The following FRMPD2 variants were observed in gnomAD, a reference collection of about 807,000 sequenced individuals.
The protein encoded by FRMPD2 is FERM and PDZ domain containing 2.
Under a neutral mutation model 140.1 loss-of-function variants are expected in FRMPD2, and 96 were observed. The observed-to-expected ratio is 0.69, with a 90% confidence interval of 0.58 to 0.81. FRMPD2 has a LOEUF of 0.81. FRMPD2 is among the 40% of genes least tolerant of loss of function. FRMPD2 has a pLI of 0.00. For missense variants in FRMPD2, 1,240 were observed against 1,447.4 expected (o/e 0.86, Z 2.32); for synonymous variants, 449 against 547.6 (o/e 0.82, Z 2.52).
At chr10:48,190,811 A>T (rs1030282802) in intron 16 of FRMPD2, among the ~76,000 whole-genome samples, 1 of 152,210 alleles carries the variant, frequency 6.6e-6, no homozygotes, top group African/African-American at 2.4e-5. Context: ...GCAACACTGA[A>T]AAGCCCCTAC....
intron 22 of FRMPD2, among the ~76,000 whole-genome samples, chr10:48,176,951 T>C (rs1838425513): frequency 6.6e-6 from 1 of 152,160 alleles, no homozygotes; most frequent in Non-Finnish European, 1.5e-5. Flanking sequence ...ATGCCCTCCA[T>C]TCACATATCT....
chr10:48,254,056 T>A (rs1840442615), intron 1 of FRMPD2, among the ~76,000 whole-genome samples: 1 of 150,054 alleles, frequency 6.7e-6, no homozygotes, highest in African/African-American at 2.5e-5. Context: ...TCATCACCCT[T>A]TCAATTAAAA....
intron 27 of FRMPD2, 65 bp from the exon 28 acceptor site, chr10:48,163,736 G>T (rs1838017326): frequency 1.1e-6 from 1 of 898,922 alleles, no homozygotes; most frequent in African/African-American, 1.7e-5. Flanking sequence ...AAAATACAAA[G>T]CTTTTTTCCC....
intron 4 of FRMPD2, 21 bp downstream of exon 4, chr10:48,244,763 T>C: frequency 6.3e-7 from 1 of 1,592,956 alleles, no homozygotes; most frequent in Non-Finnish European, 8.6e-7. Flanking sequence ...CGGCAAGACT[T>C]GGAGTATCTT....
At chr10:48,221,978 T>TTGGA (rs71026203) in intron 12 of FRMPD2, among the ~76,000 whole-genome samples, 63,080 of 136,244 alleles carry the variant, frequency 0.46, 14,782 homozygotes, top group East Asian at 0.68. Flanking sequence ...GGATGGATGG[T>TTGGA]TGGATGGATG....
In FRMPD2 at chr10:48,223,275, A is replaced by G; in HGVS notation, c.1169-5T>C. The G allele has an allele frequency of 6.2e-7, 1 of 1,610,992 alleles. No homozygotes were observed. The highest frequency in any genetic ancestry group is 8.5e-7 in the Non-Finnish European group (1 of 1,178,402). On this transcript the variant is annotated splice_region_variant and splice_polypyrimidine_tract_variant and intron_variant, in intron 10 of 28. Transcript: ENST00000374201. ...CCAGGAAAAAGAACTCTTTGCCTGA[A>G]ATGGAAATAGAGCATGTGTGGAAGG...
At chr10:48,241,752 A>G (rs1223396935) in intron 5 of FRMPD2, among the ~76,000 whole-genome samples, 1 of 152,198 alleles carries the variant, frequency 6.6e-6, no homozygotes, top group Non-Finnish European at 1.5e-5. Flanking sequence ...AGCAGAGGGG[A>G]GGGTACCCAG....
chr10:48,248,964 GACAGGCCTTTCCCAGGGC>G, intron 3 of FRMPD2, 39 bp downstream of exon 3: 1 of 1,491,810 alleles, frequency 6.7e-7, no homozygotes, highest in Non-Finnish European at 9.0e-7. Flanking sequence ...CTGCCGCTGG[GACAGGCCTTTCCCAGGGC>G]ACAGGACTCA....
chr10:48,270,716 T>C (rs1388707323), intron 1 of FRMPD2, among the ~76,000 whole-genome samples: 1 of 151,930 alleles, frequency 6.6e-6, no homozygotes, highest in East Asian at 1.9e-4. Flanking sequence ...TCCTCCTCTT[T>C]CAACCTCTCT....
At chr10:48,233,559 C>T (rs1429917634) in intron 9 of FRMPD2, among the ~76,000 whole-genome samples, 2 of 152,120 alleles carry the variant, frequency 1.3e-5, no homozygotes, top group Non-Finnish European at 2.9e-5. Flanking sequence ...GAATCGTATG[C>T]CCATAATGGG....
intron 1 of FRMPD2, among the ~76,000 whole-genome samples, chr10:48,258,670 A>ACACTAG (rs141457882): frequency 0.036 from 5,514 of 152,296 alleles, 279 homozygotes; most frequent in African/African-American, 0.11. Context: ...ATTTTTCGGC[A>ACACTAG]TTCAGAGCAT....
rs148906229 is a variant in FRMPD2, at chr10:48,223,182, C to A, written c.1257G>T (p.Met419Ile). 1.1e-4 allele frequency: 183 copies of A among 1,613,906 alleles called. 2 individuals are homozygous for A. The Middle Eastern group carries it at 2.0e-3, about 17-fold the overall frequency. ...TCCTCAGGAAGAGTGTGAAGGTATT[C>A]ATGGAGGTCTTCTGAGGCTGCTCTC... ...GWREQPQKTS[M>I]NTFTLFLRIK... Residue 419 changes from methionine to isoleucine, a missense_variant, in exon 11 of 29, where the codon ATG becomes ATT. Met to Ile is a conservative substitution (Grantham distance 10). Coordinates refer to ENST00000374201, the MANE Select transcript of FRMPD2 (RefSeq NM_001018071.4).
Position 48,250,963 on chromosome 10 carries a change from A to ATTTTT in FRMPD2, c.151+598_151+602dup, listed in dbSNP as rs113989363. ...AGGCGAGCGCAACCATACCTGGCAA[A>ATTTTT]TTTTTTTTTTTGTATTTTTAATAGA... On this transcript the variant is annotated intron_variant, in intron 2 of 28. Coordinates refer to ENST00000374201, the MANE Select transcript of FRMPD2 (RefSeq NM_001018071.4). Among the ~76,000 whole-genome samples, 67 of 143,450 alleles carry ATTTTT rather than the reference A, an allele frequency of 4.7e-4. 1 individual carries two copies. Among genetic ancestry groups the ATTTTT allele is most frequent in the African/African-American group, 1.6e-3 (64 of 39,884 alleles). The allele number at this position is 143,450 out of a possible 152,430, so 94.1% of individuals were successfully genotyped here. A position where few individuals can be genotyped will look rare whatever the true frequency, so the allele number is the denominator to read the frequency against.
At chr10:48,250,434 C>T (rs1840348532) in intron 2 of FRMPD2, among the ~76,000 whole-genome samples, 1 of 152,176 alleles carries the variant, frequency 6.6e-6, no homozygotes, top group Non-Finnish European at 1.5e-5. Context: ...GTTTCGCGCT[C>T]TTGTCACCCA....
chr10:48,178,994 T>C (rs550464628), intron 21 of FRMPD2: 121 of 151,746 alleles, frequency 8.0e-4, no homozygotes, highest in African/African-American at 2.9e-3. Flanking sequence ...GGAGCTTCCA[T>C]GAGCTAATAC....
intron 12 of FRMPD2, among the ~76,000 whole-genome samples, chr10:48,221,978 T>TTGGATGGATGGATGGATGGATGGA (rs71026203): frequency 7.3e-6 from 1 of 136,276 alleles, no homozygotes; most frequent in Non-Finnish European, 1.6e-5. Flanking sequence ...GGATGGATGG[T>TTGGATGGATGGATGGATGGATGGA]TGGATGGATG....
chr10:48,234,279 A>T (rs565190432), intron 9 of FRMPD2, among the ~76,000 whole-genome samples: 21 of 152,352 alleles, frequency 1.4e-4, no homozygotes, highest in African/African-American at 4.8e-4. Flanking sequence ...AAAAAATAAA[A>T]ATACCATGAC....
chr10:48,200,663 T>C (rs1732782589), intron 15 of FRMPD2, among the ~76,000 whole-genome samples: 1 of 152,208 alleles, frequency 6.6e-6, no homozygotes, highest in South Asian at 2.1e-4. Context: ...GAAGAAAGTG[T>C]CATTGGACGG....
chr10:48,234,275 T>TA (rs1245133369), intron 9 of FRMPD2, among the ~76,000 whole-genome samples: 2 of 152,056 alleles, frequency 1.3e-5, no homozygotes, highest in Non-Finnish European at 2.9e-5. Context: ...AAATAAAAAA[T>TA]AAAAATACCA....
Sources: gnomAD v4.1 joint callset for allele counts (sites outside exome capture counted in the v4.1 genomes callset) on GRCh38, gnomAD v4.1.1 for gene constraint, MANE v1.5 for transcripts, NCBI Gene and HGNC (gene_info 2026-07-23, HGNC 2026-07-21) for gene names.